Variants in NCSTN observed in about 807,000 individuals in gnomAD.
The protein encoded by NCSTN is anterior pharynx-defective 2.
A neutral mutation model predicts 87.0 loss-of-function variants in NCSTN; 22 were observed. The observed-to-expected ratio is 0.25, with a 90% CI of 0.18 to 0.36. The LOEUF (loss-of-function observed/expected upper bound fraction) is 0.36. Ranked by LOEUF, NCSTN falls within the 10% of genes least tolerant of loss-of-function variation. The pLI, the probability that NCSTN is intolerant of heterozygous loss-of-function variation, is 1.00. For synonymous variants in NCSTN, 306 were observed against 327.1 expected, an observed-to-expected ratio of 0.94 and a Z score of 0.69; for missense variants, 693 against 883.3, an observed-to-expected ratio of 0.78 and a Z score of 2.73.
At chr1:160,352,723 G>A (rs1648927080) in intron 8 of NCSTN, among the ~76,000 whole-genome samples, 164 bp from the exon 9 acceptor site, 1 of 152,210 alleles carries the variant, frequency 6.6e-6, no homozygotes, top group Non-Finnish European at 1.5e-5. Flanking sequence ...CAGCTGGGAG[G>A]TGGGGCCAAG....
In NCSTN at chr1:160,358,511, AT is replaced by A; in HGVS notation, c.*244del. Reference sequence around the variant, plus strand: ...CCTCTTCCTTCTCTACTCATGCCAGATTTTGGGATTACAAATAGAAGCTTCT... The same window carrying A: ...CCTCTTCCTTCTCTACTCATGCCAGATTTGGGATTACAAATAGAAGCTTCT... On this transcript the variant is annotated 3_prime_UTR_variant, in exon 17 of 17. Transcript: ENST00000294785. 1 of 561,858 alleles carries A rather than the reference AT, an allele frequency of 1.8e-6. No individual in the cohort carries two copies. Among genetic ancestry groups the A allele is most frequent in the South Asian group, 2.0e-5 (1 of 50,260 alleles). 34.8% of individuals were successfully genotyped at this position (561,858 alleles called of 1,614,324 possible).
Position 160,358,571 on chromosome 1 carries a change from A to C in NCSTN, c.*300A>C. 2.4e-6 allele frequency: 1 copy of C among 424,992 alleles called. No homozygotes were observed. Among genetic ancestry groups the C allele is most frequent in the Non-Finnish European group, 4.4e-6 (1 of 227,186 alleles). 26.3% of individuals were successfully genotyped at this position (424,992 alleles called of 1,614,324 possible). On this transcript the variant is annotated 3_prime_UTR_variant, in exon 17 of 17. Transcript: ENST00000294785. ...TTTAACTCCCTAGTTACCCACCCTA[A>C]TTTGCCCTTCAGGACCCTTCTACTT...
intron 2 of NCSTN, among the ~76,000 whole-genome samples, chr1:160,345,921 AGAGT>A (rs1648458046): frequency 7.3e-6 from 1 of 136,998 alleles, no homozygotes; most frequent in Non-Finnish European, 1.6e-5. Flanking sequence ...TATAGGTGAC[AGAGT>A]GAGACACTGT....
intron 2 of NCSTN, among the ~76,000 whole-genome samples, chr1:160,348,127 G>A (rs1410340813): frequency 6.6e-6 from 1 of 152,238 alleles, no homozygotes; most frequent in Non-Finnish European, 1.5e-5. Context: ...GTAGGGAGAA[G>A]ACTCACAGGG....
intron 2 of NCSTN, among the ~76,000 whole-genome samples, chr1:160,347,154 G>C (rs553791354): frequency 1.3e-5 from 2 of 152,302 alleles, no homozygotes; most frequent in South Asian, 4.1e-4. Flanking sequence ...GAAACAAGAG[G>C]GGGTAAGCGG....
At chr1:160,351,554 C>A in intron 6 of NCSTN, 142 bp from the exon 7 acceptor site, 1 of 1,232,774 alleles carries the variant, frequency 8.1e-7, no homozygotes, top group Non-Finnish European at 1.2e-6. Context: ...TGGATAGTGG[C>A]AGAGAAGCCA....
At position 160,350,182 on chromosome 1, in the gene NCSTN, G is replaced by A; in HGVS notation, c.514G>A (p.Ala172Thr). The part of the protein sequence containing the change: ...IQWNSLGNGL[A>T]YEDFSFPIFL... Reference sequence around the variant, plus strand: ...GTGGAATTCGCTGGGCAATGGTTTGGCTTATGAAGACTTTAGTTTCCCCAT... The same window carrying A: ...GTGGAATTCGCTGGGCAATGGTTTGACTTATGAAGACTTTAGTTTCCCCAT... Residue 172 changes from alanine (A) to threonine (T), a missense_variant, in exon 5 of 17, where the codon GCT becomes ACT. This residue lies in a region of NCSTN where 235 missense variants were observed against 233.9 expected (regional missense o/e 1.00). Coordinates refer to ENST00000294785, the MANE Select transcript of NCSTN (RefSeq NM_015331.3). 1.9e-6 allele frequency: 3 copies of A among 1,614,126 alleles called. No homozygotes were observed. The highest frequency in any genetic ancestry group is 2.5e-6 in the Non-Finnish European group (3 of 1,180,012).
At chr1:160,356,939 C>T in intron 15 of NCSTN, 102 bp from the exon 16 acceptor site, 1 of 1,377,490 alleles carries the variant, frequency 7.3e-7, no homozygotes, top group Non-Finnish European at 1.0e-6. Context: ...GGACAGCAGC[C>T]AGTTAGCTCA....
At chr1:160,355,439 G>T (rs1649078030) in intron 11 of NCSTN, among the ~76,000 whole-genome samples, 1 of 152,170 alleles carries the variant, frequency 6.6e-6, no homozygotes, top group Non-Finnish European at 1.5e-5. Flanking sequence ...TACCTTGTCT[G>T]TCAGGAAAGT....
At position 160,353,588 on chromosome 1, in the gene NCSTN, C is replaced by G. The variant is rs532149182; in HGVS notation, c.1179+351C>G. ...ACCCAAGTCCTGGCTGTGTCACACT[C>G]GCTGCCCAACTTGTCCTCCACTTTC... is the stretch of plus-strand genomic sequence containing the variant. On this transcript the variant is annotated intron_variant, in intron 10 of 16. Coordinates refer to ENST00000294785, the MANE Select transcript of NCSTN (RefSeq NM_015331.3). 2.2e-5 allele frequency: 27 copies of G among 1,216,856 alleles called. No individual in the cohort carries two copies. The African/African-American group carries it at 3.0e-4, about 13-fold the overall frequency. 75.4% of individuals were successfully genotyped at this position (1,216,856 alleles called of 1,614,324 possible).
intron 3 of NCSTN, 107 bp from the exon 4 acceptor site, chr1:160,349,442 A>G (rs1557884520): frequency 6.9e-7 from 1 of 1,445,100 alleles, no homozygotes; most frequent in Non-Finnish European, 9.7e-7. Flanking sequence ...GAAATAAGTC[A>G]ACAGTTTGAT....
chr1:160,344,100 A>G (rs1362909922), intron 1 of NCSTN, among the ~76,000 whole-genome samples: 1 of 151,810 alleles, frequency 6.6e-6, no homozygotes, highest in Admixed American at 6.6e-5. Flanking sequence ...GCGTTCATTT[A>G]CTGATACATG....
At chr1:160,355,219 C>T (rs16831867) in intron 11 of NCSTN, among the ~76,000 whole-genome samples, 7,847 of 152,186 alleles carry the variant, frequency 0.052, 670 homozygotes, top group African/African-American at 0.18. Context: ...TCTTATATAT[C>T]AGTGAGCAGA....
At chr1:160,346,268 C>T (rs890058235) in intron 2 of NCSTN, among the ~76,000 whole-genome samples, 32 of 152,176 alleles carry the variant, frequency 2.1e-4, no homozygotes, top group African/African-American at 7.7e-4. Context: ...TCAAATTGAT[C>T]ACCTCTGAAT....
At chr1:160,344,623 T>C in intron 1 of NCSTN, 99 bp from the exon 2 acceptor site, 1 of 1,564,364 alleles carries the variant, frequency 6.4e-7, no homozygotes, top group Non-Finnish European at 8.7e-7. Flanking sequence ...AAGTATGATA[T>C]TAAATGATTT....
chr1:160,346,175 G>A (rs531795930), intron 2 of NCSTN, among the ~76,000 whole-genome samples: 1 of 152,270 alleles, frequency 6.6e-6, no homozygotes, highest in African/African-American at 2.4e-5. Context: ...TTCAGATTTT[G>A]TTTCCCATGG....
intron 1 of NCSTN, chr1:160,343,724 C>A: frequency 1.4e-6 from 1 of 696,680 alleles, no homozygotes; most frequent in Non-Finnish European, 2.7e-6. Flanking sequence ...GGACTTCGAG[C>A]CTGACCCTCT....
chr1:160,355,346 C>T (rs937141887), intron 11 of NCSTN, among the ~76,000 whole-genome samples: 4 of 152,192 alleles, frequency 2.6e-5, no homozygotes, highest in Non-Finnish European at 5.9e-5. Flanking sequence ...TGAAAATCAT[C>T]TTAGCCATCC....
chr1:160,356,282 T>C lies in NCSTN; in HGVS notation c.1574T>C (p.Phe525Ser). Residue 525 changes from phenylalanine to serine, a missense_variant, in exon 14 of 17, where the codon TTC becomes TCC. Physicochemically the swap from Phe to Ser is radical, Grantham distance 155. Coordinates refer to ENST00000294785, the MANE Select transcript of NCSTN (RefSeq NM_015331.3). ...TAGGTTACCCGCCTGCTCTATGGGTTCCTGATTAAAGCCAACAACTCATGG... is the reference window on the plus strand; with the variant it reads ...TAGGTTACCCGCCTGCTCTATGGGTCCCTGATTAAAGCCAACAACTCATGG... The part of the protein sequence containing the change: ...PQTVTRLLYG[F>S]LIKANNSWFQ... 3 of 1,613,636 alleles carry C rather than the reference T, an allele frequency of 1.9e-6. No individual in the cohort carries two copies. The highest frequency in any genetic ancestry group is 2.5e-6 in the Non-Finnish European group (3 of 1,179,496).
Sources: gnomAD v4.1 joint callset for allele counts (sites outside exome capture counted in the v4.1 genomes callset) on GRCh38, gnomAD v4.1.1 for gene constraint, gnomAD v4.1.1 regional missense constraint, MANE v1.5 for transcripts, NCBI Gene and HGNC (gene_info 2026-07-23, HGNC 2026-07-21) for gene names.